BCAS3: variants seen among roughly 807,000 people sequenced by gnomAD.
BCAS3 encodes BCAS4/BCAS3 fusion.
In BCAS3, 53 loss-of-function variants were observed where a neutral mutation model predicts 116.1. That is an observed-to-expected ratio of 0.46 (90% CI 0.37 to 0.57). BCAS3 has a LOEUF of 0.57. Among genes scored for constraint, BCAS3 ranks in the 20% least tolerant of loss-of-function variants. BCAS3 has a pLI of 0.00. For synonymous variants in BCAS3, 391 were observed against 408.2 expected (o/e 0.96, Z 0.51); for missense variants, 917 against 1,165.4 (o/e 0.79, Z 3.10).
chr17:61,373,023 T>C (rs1156404271), intron 23 of BCAS3, among the ~76,000 whole-genome samples: 2 of 152,174 alleles, frequency 1.3e-5, no homozygotes, highest in Admixed American at 6.5e-5. Flanking sequence ...TTCTTTTTAG[T>C]GCTCTCACAC....
intron 22 of BCAS3, among the ~76,000 whole-genome samples, chr17:61,334,623 C>G (rs989161332): frequency 1.5e-5 from 2 of 130,864 alleles, no homozygotes; most frequent in Non-Finnish European, 3.1e-5. Context: ...GAGATCGCAC[C>G]ATTGCACTCC....
In BCAS3 at chr17:61,215,555, A is replaced by G. The variant is rs1302156839; in HGVS notation, c.2425+130991A>G. ...CTCCATAAAGTGCGAACCAAGATACATTATGCCACTGACTATAAAATACAG... is the reference window on the plus strand; with the variant it reads ...CTCCATAAAGTGCGAACCAAGATACGTTATGCCACTGACTATAAAATACAG... On this transcript the variant is annotated intron_variant, in intron 22 of 23. Coordinates refer to ENST00000407086, the MANE Select transcript of BCAS3 (RefSeq NM_017679.5). The surrounding 1 kb of genome is among the most constrained non-coding windows in gnomAD (Gnocchi z 4.8). Among the ~76,000 whole-genome samples the G allele has an allele frequency of 1.3e-5, 2 of 152,258 alleles. No individual in the cohort carries two copies. The highest frequency in any genetic ancestry group is 2.9e-5 in the Non-Finnish European group (2 of 68,046).
At chr17:60,715,200 C>T (rs1377747717) in intron 5 of BCAS3, among the ~76,000 whole-genome samples, 1 of 144,080 alleles carries the variant, frequency 6.9e-6, no homozygotes, top group Non-Finnish European at 1.5e-5. Flanking sequence ...GTGGCATGAT[C>T]CTGGCTCACT....
intron 6 of BCAS3, among the ~76,000 whole-genome samples, chr17:60,771,699 C>T (rs2044726355): frequency 6.6e-6 from 1 of 152,192 alleles, no homozygotes; most frequent in Non-Finnish European, 1.5e-5. Context: ...TATCCCTCCC[C>T]TGTCCCCCTA....
At chr17:61,277,473 C>T (rs2050864730) in intron 22 of BCAS3, among the ~76,000 whole-genome samples, 2 of 151,868 alleles carry the variant, frequency 1.3e-5, no homozygotes, top group South Asian at 4.1e-4. Flanking sequence ...AAAGTACAAA[C>T]AAGAGAAAAA....
At chr17:61,175,120 G>A (rs1165012551) in intron 22 of BCAS3, among the ~76,000 whole-genome samples, 1 of 152,178 alleles carries the variant, frequency 6.6e-6, no homozygotes, top group African/African-American at 2.4e-5. Context: ...AAGTCCTGGG[G>A]TTAGGTCAGG....
chr17:61,162,636 T>C lies in BCAS3; in HGVS notation c.2425+78072T>C, dbSNP rs951991624. Among the ~76,000 whole-genome samples, 1 of 152,224 alleles carries C rather than the reference T, an allele frequency of 6.6e-6. No individual in the cohort carries two copies. The highest frequency in any genetic ancestry group is 2.4e-5 in the African/African-American group (1 of 41,458). On this transcript the variant is annotated intron_variant, in intron 22 of 23. Transcript: ENST00000407086. This position sits in a 1 kb window ranked among gnomAD's most constrained non-coding sequence, Gnocchi z 5.6. ...TTAGCAGACTTCCCCAATAACATTT[T>C]GCAGTTTTCAGCTTTTAGTTGTTGA...
chr17:61,199,488 T>C lies in BCAS3; in HGVS notation c.2425+114924T>C, dbSNP rs1376062918. Among the ~76,000 whole-genome samples the C allele has an allele frequency of 6.6e-6, 1 of 152,238 alleles. No individual in the cohort carries two copies. The highest frequency in any genetic ancestry group is 1.5e-5 in the Non-Finnish European group (1 of 68,038). On this transcript the variant is annotated intron_variant, in intron 22 of 23. Coordinates refer to ENST00000407086, the MANE Select transcript of BCAS3 (RefSeq NM_017679.5). This position sits in a 1 kb window ranked among gnomAD's most constrained non-coding sequence, Gnocchi z 4.6. ...AAATTTAGAATGTGACACCATTGTT[T>C]AGGTGTATGTGATTCATTTTTATTA...
At chr17:60,841,866 G>GGAA (rs1373436295) in intron 7 of BCAS3, among the ~76,000 whole-genome samples, 25 of 151,990 alleles carry the variant, frequency 1.6e-4, no homozygotes, top group Admixed American at 3.3e-4. Flanking sequence ...TTCCCCACAT[G>GGAA]GCTGCTTACA....
intron 19 of BCAS3, among the ~76,000 whole-genome samples, chr17:61,074,513 T>A (rs2071763644): frequency 6.6e-6 from 1 of 152,004 alleles, no homozygotes; most frequent in African/African-American, 2.4e-5. Context: ...GATAAATGAA[T>A]TTTTTTTAGG....
chr17:61,076,089 T>G (rs2071957973), intron 20 of BCAS3, among the ~76,000 whole-genome samples: 1 of 152,168 alleles, frequency 6.6e-6, no homozygotes, highest in Non-Finnish European at 1.5e-5. Flanking sequence ...TCCCTCCCCT[T>G]GCCAGGTGAA....
intron 22 of BCAS3, among the ~76,000 whole-genome samples, chr17:61,351,790 A>G (rs1568919211): frequency 1.3e-5 from 2 of 152,226 alleles, no homozygotes; most frequent in Non-Finnish European, 2.9e-5. Flanking sequence ...GTGAAAAGGC[A>G]CAAGCAACTG....
rs1309008357 is a variant in BCAS3 at position 61,067,271 on chromosome 17, GTGTATATATA to G, written c.2030-7647_2030-7638del. Among the ~76,000 whole-genome samples the G allele has an allele frequency of 8.0e-4, 44 of 55,128 alleles. 2 individuals are homozygous for G. Among genetic ancestry groups the G allele is most frequent in the African/African-American group, 3.1e-3 (42 of 13,418 alleles). 36.2% of individuals were successfully genotyped at this position (55,128 alleles called of 152,430 possible). ...TTCATAACTTTATTTATGTGTGTAT[GTGTATATATA>G]TATATATATATATATATATATATAT... On this transcript the variant is annotated intron_variant, in intron 19 of 23. Transcript: ENST00000407086.
intron 16 of BCAS3, chr17:61,027,018 C>A: frequency 1.1e-6 from 1 of 887,770 alleles, no homozygotes; most frequent in Non-Finnish European, 1.7e-6. Context: ...CAGATAGATG[C>A]ACCAAGTTAC....
Position 61,381,327 on chromosome 17 carries a change from C to T in BCAS3, c.2594-10650C>T, listed in dbSNP as rs930256325. Among the ~76,000 whole-genome samples the T allele has an allele frequency of 6.6e-6, 1 of 152,242 alleles. No homozygotes were observed. The highest frequency in any genetic ancestry group is 6.5e-5 in the Admixed American group (1 of 15,292). On this transcript the variant is annotated intron_variant, in intron 23 of 23. Coordinates refer to ENST00000407086, the MANE Select transcript of BCAS3 (RefSeq NM_017679.5). This position sits in a 1 kb window ranked among gnomAD's most constrained non-coding sequence, Gnocchi z 6.0. ...TGAATAGAGCCCCGGCACCAGCAGC[C>T]AGTCTGTGAGCACCGCACAAAGGCA... is the stretch of plus-strand genomic sequence containing the variant.
chr17:60,982,960 A>G (rs1266904998), intron 14 of BCAS3, among the ~76,000 whole-genome samples: 1 of 152,188 alleles, frequency 6.6e-6, no homozygotes, highest in Non-Finnish European at 1.5e-5. Flanking sequence ...AGGAGCACAT[A>G]TACTTTATCT....
Position 61,019,220 on chromosome 17 carries a change from G to A in BCAS3, c.1637+3319G>A, listed in dbSNP as rs1033837030. 3.9e-5 allele frequency among the ~76,000 whole-genome samples: 6 copies of A among 152,142 alleles called. No homozygotes were observed. Among genetic ancestry groups the A allele is most frequent in the Non-Finnish European group, 5.9e-5 (4 of 68,034 alleles). ...AGATCAGCATCGGCATTAGATTCTC[G>A]TTAAGAGTGCAAACCCTATTGTTGT... On this transcript the variant is annotated intron_variant, in intron 16 of 23. Transcript: ENST00000407086. This position sits in a 1 kb window ranked among gnomAD's most constrained non-coding sequence, Gnocchi z 5.6.
At chr17:61,254,787 A>AAAAAAAAAAAAAAAAAG (rs1163301944) in intron 22 of BCAS3, among the ~76,000 whole-genome samples, 74 of 150,840 alleles carry the variant, frequency 4.9e-4, no homozygotes, top group African/African-American at 1.7e-3. Context: ...GAAAAAAAAA[A>AAAAAAAAAAAAAAAAAG]AAGGATTAGA....
Position 61,139,560 on chromosome 17 carries a change from C to T in BCAS3, c.2425+54996C>T, listed in dbSNP as rs2076816653. Reference sequence around the variant, plus strand: ...AGGAGTGGGTGAGCTACCTAAGAAACTCCCTTTGAAGGATTCCTTGTGTGG... The same window carrying T: ...AGGAGTGGGTGAGCTACCTAAGAAATTCCCTTTGAAGGATTCCTTGTGTGG... On this transcript the variant is annotated intron_variant, in intron 22 of 23. Coordinates refer to ENST00000407086, the MANE Select transcript of BCAS3 (RefSeq NM_017679.5). The surrounding 1 kb of genome is among the most constrained non-coding windows in gnomAD (Gnocchi z 4.7). Among the ~76,000 whole-genome samples the T allele has an allele frequency of 6.6e-6, 1 of 152,188 alleles. No individual in the cohort carries two copies. Among genetic ancestry groups the T allele is most frequent in the African/African-American group, 2.4e-5 (1 of 41,442 alleles).
Sources: allele counts gnomAD v4.1 joint callset (sites outside exome capture counted in the v4.1 genomes callset), GRCh38; gene constraint gnomAD v4.1.1; non-coding constraint Gnocchi (gnomAD v3.1); transcripts MANE v1.5; gene names NCBI Gene and HGNC (gene_info 2026-07-23, HGNC 2026-07-21).